Variants in CORO1C observed in about 807,000 individuals in gnomAD.
The protein encoded by CORO1C is coronin-1C.
A neutral mutation model predicts 51.2 loss-of-function variants in CORO1C; 14 were observed. The observed-to-expected ratio is 0.27, with a 90% CI of 0.18 to 0.43. The LOEUF is 0.43. Ranked by LOEUF, CORO1C falls within the 20% of genes least tolerant of loss-of-function variation. CORO1C has a pLI of 1.00. For missense variants in CORO1C, 417 were observed against 607.8 expected (o/e 0.69, Z 3.30); for synonymous variants, 181 against 210.5 (o/e 0.86, Z 1.21).
intron 3 of CORO1C, among the ~76,000 whole-genome samples, chr12:108,671,033 TA>T (rs565234939): frequency 2.0e-4 from 29 of 141,640 alleles, no homozygotes; most frequent in African/African-American, 3.9e-4. Flanking sequence ...AAAAAAAGAA[TA>T]AAAAAAAAAG....
At chr12:108,714,904 C>T (rs1705455636) in intron 1 of CORO1C, among the ~76,000 whole-genome samples, 1 of 152,020 alleles carries the variant, frequency 6.6e-6, no homozygotes. Flanking sequence ...GGTTGGGGAC[C>T]ACCTAAAGTC....
At chr12:108,707,690 G>A (rs988684272) in intron 1 of CORO1C, among the ~76,000 whole-genome samples, 2 of 152,084 alleles carry the variant, frequency 1.3e-5, no homozygotes, top group African/African-American at 4.8e-5. Context: ...TCAAGAAATC[G>A]AAGACAACTC....
At chr12:108,692,929 C>G (rs1465929709) in intron 2 of CORO1C, among the ~76,000 whole-genome samples, 1 of 151,256 alleles carries the variant, frequency 6.6e-6, no homozygotes, top group African/African-American at 2.4e-5. Flanking sequence ...TCCCGATTAG[C>G]TGCGATAACA....
intron 1 of CORO1C, among the ~76,000 whole-genome samples, chr12:108,704,090 A>C (rs952048452): frequency 6.6e-6 from 1 of 152,208 alleles, no homozygotes; most frequent in Admixed American, 6.5e-5. Context: ...ACCTCATAAA[A>C]ATAGGAAGAT....
chr12:108,682,856 T>C (rs1592897293), intron 2 of CORO1C, among the ~76,000 whole-genome samples: 2 of 152,240 alleles, frequency 1.3e-5, no homozygotes, highest in Non-Finnish European at 2.9e-5. Flanking sequence ...TAAAAATTAA[T>C]AGAAAAATAA....
chr12:108,714,117 A>G (rs1211473011), intron 1 of CORO1C, among the ~76,000 whole-genome samples: 1 of 152,160 alleles, frequency 6.6e-6, no homozygotes, highest in Non-Finnish European at 1.5e-5. Flanking sequence ...TGGGCCGGGC[A>G]CAGTGGCTCA....
intron 2 of CORO1C, among the ~76,000 whole-genome samples, chr12:108,685,587 A>G (rs1421655020): frequency 1.3e-5 from 2 of 151,852 alleles, no homozygotes; most frequent in Non-Finnish European, 2.9e-5. Flanking sequence ...GGATAGGGAA[A>G]GAAAATTTCC....
intron 2 of CORO1C, among the ~76,000 whole-genome samples, chr12:108,684,428 C>G (rs2034230518): frequency 6.6e-6 from 1 of 152,052 alleles, no homozygotes; most frequent in Non-Finnish European, 1.5e-5. Context: ...TCTAGGTGGT[C>G]TGGGTGAGAG....
At chr12:108,721,322 C>G (rs2035468714) in intron 1 of CORO1C, among the ~76,000 whole-genome samples, 1 of 152,180 alleles carries the variant, frequency 6.6e-6, no homozygotes, top group South Asian at 2.1e-4. Flanking sequence ...CTAATTACAC[C>G]AGTTCTGAGT....
At chr12:108,701,504 A>G in intron 1 of CORO1C, 181 bp from the exon 2 acceptor site, 1 of 803,166 alleles carries the variant, frequency 1.2e-6, no homozygotes, top group Non-Finnish European at 1.9e-6. Flanking sequence ...GACAACTGCA[A>G]AATGCGTCAG....
In CORO1C at chr12:108,647,499, C is replaced by G; in HGVS notation, c.1329G>C (p.Glu443Asp). 1 of 1,603,332 alleles carries G rather than the reference C, an allele frequency of 6.2e-7. No homozygotes were observed. Among genetic ancestry groups the G allele is most frequent in the East Asian group, 2.2e-5 (1 of 44,732 alleles). ...TTATAGATTTGATCTCTTTTAAAAT[C>G]TCATCCAACTTGGCTTCATTTTGCT... ...ASVQNEAKLD[E>D]ILKEIKSIKD... The change falls in exon 11 of 11, where the codon GAG becomes GAC. Residue 443 changes from glutamate to aspartate, a missense_variant. Transcript: ENST00000261401.
intron 1 of CORO1C, among the ~76,000 whole-genome samples, chr12:108,708,283 A>C (rs1253070708): frequency 3.3e-5 from 5 of 152,168 alleles, no homozygotes; most frequent in Non-Finnish European, 7.3e-5. Context: ...TTACCTGTAC[A>C]ACAGAATATT....
intron 6 of CORO1C, among the ~76,000 whole-genome samples, chr12:108,656,793 G>A (rs983609129): frequency 5.3e-5 from 8 of 152,330 alleles, no homozygotes; most frequent in Non-Finnish European, 1.5e-5. Flanking sequence ...TCCACTCAGG[G>A]TTAAATGGAT....
At chr12:108,696,176 A>G (rs917503510) in intron 2 of CORO1C, among the ~76,000 whole-genome samples, 4 of 152,194 alleles carry the variant, frequency 2.6e-5, no homozygotes, top group African/African-American at 4.8e-5. Context: ...AGTTTCTGTG[A>G]GGGTGAAATC....
At chr12:108,678,731 A>C (rs1204671797) in intron 2 of CORO1C, among the ~76,000 whole-genome samples, 1 of 152,012 alleles carries the variant, frequency 6.6e-6, no homozygotes, top group Non-Finnish European at 1.5e-5. Context: ...AAAAAAAAAA[A>C]AAAAAACCCT....
intron 2 of CORO1C, 143 bp downstream of exon 2, chr12:108,700,981 T>C (rs1230544183): frequency 2.3e-6 from 2 of 883,472 alleles, no homozygotes; most frequent in Non-Finnish European, 3.6e-6. Context: ...ATGTGGTTAG[T>C]AAGGCGTGTG....
intron 1 of CORO1C, among the ~76,000 whole-genome samples, chr12:108,713,856 C>A (rs994454149): frequency 1.3e-5 from 2 of 152,214 alleles, no homozygotes; most frequent in African/African-American, 4.8e-5. Context: ...GTGGGTGCTG[C>A]TTTGACAGCC....
chr12:108,657,328 C>T lies in CORO1C; in HGVS notation c.726G>A (p.Glu242=), dbSNP rs752547940. ...VFTTGFSRMS[E]RQLALWNPKN... ...CCGGATTCCAGAGAGCCAGCTGCCG[C>T]TCGCTCATGCGGCTGAACCCAGTGG... The change falls in exon 6 of 11, where the codon GAG becomes GAA. Residue 242 remains glutamate (E), a synonymous_variant. Transcript: ENST00000261401. The T allele has an allele frequency of 1.2e-6, 2 of 1,613,918 alleles. No individual in the cohort carries two copies. The highest frequency in any genetic ancestry group is 1.1e-5 in the South Asian group (1 of 91,056).
intron 1 of CORO1C, among the ~76,000 whole-genome samples, chr12:108,720,767 C>T (rs1190955611): frequency 6.6e-6 from 1 of 152,170 alleles, no homozygotes; most frequent in Non-Finnish European, 1.5e-5. Flanking sequence ...TCGTGATCCA[C>T]CCGCCTCAGC....
Sources: allele counts gnomAD v4.1 joint callset (sites outside exome capture counted in the v4.1 genomes callset), GRCh38; gene constraint gnomAD v4.1.1; transcripts MANE v1.5; gene names NCBI Gene and HGNC (gene_info 2026-07-23, HGNC 2026-07-21).